Variants in ADK observed in about 807,000 individuals in gnomAD.
ADK encodes N6,N6-dimethyladenosine kinase.
In ADK, 24 loss-of-function variants were observed where a neutral mutation model predicts 44.7. That is an observed-to-expected ratio of 0.54 (90% CI 0.39 to 0.76). The LOEUF (loss-of-function observed/expected upper bound fraction) is 0.76, where lower values mean the gene tolerates loss of function less well. Among genes scored for constraint, ADK ranks in the 30% least tolerant of loss-of-function variants. ADK has a pLI of 0.00. For missense variants in ADK, 321 were observed against 425.1 expected, an observed-to-expected ratio of 0.76 and a Z score of 2.15; for synonymous variants, 128 against 142.6, an observed-to-expected ratio of 0.90 and a Z score of 0.73.
chr10:74,380,011 T>G (rs1842929976), intron 4 of ADK, among the ~76,000 whole-genome samples: 1 of 152,172 alleles, frequency 6.6e-6, no homozygotes, highest in African/African-American at 2.4e-5. Context: ...AGTGACAGAG[T>G]GAGACTCCAT....
chr10:74,173,297 G>A (rs1842222131), intron 1 of ADK, among the ~76,000 whole-genome samples: 1 of 151,340 alleles, frequency 6.6e-6, no homozygotes, highest in African/African-American at 2.4e-5. Flanking sequence ...GTTTCACTGT[G>A]TTAGCCAGGA....
chr10:74,196,894 T>G (rs1434050051), intron 1 of ADK, among the ~76,000 whole-genome samples: 2 of 152,172 alleles, frequency 1.3e-5, no homozygotes, highest in African/African-American at 4.8e-5. Flanking sequence ...TATTAGGTGG[T>G]CCAACAACTT....
chr10:74,180,189 C>T (rs546880328), intron 1 of ADK, among the ~76,000 whole-genome samples: 2 of 146,520 alleles, frequency 1.4e-5, no homozygotes, highest in Non-Finnish European at 3.0e-5. Flanking sequence ...AGTTACTGAG[C>T]TTCCATTTCT....
intron 6 of ADK, among the ~76,000 whole-genome samples, chr10:74,452,484 A>G (rs952757030): frequency 6.6e-6 from 1 of 152,098 alleles, no homozygotes; most frequent in African/African-American, 2.4e-5. Flanking sequence ...TTGTAAATTG[A>G]TATAAAAACA....
At chr10:74,300,897 G>A (rs1203803019) in intron 3 of ADK, among the ~76,000 whole-genome samples, 1 of 152,148 alleles carries the variant, frequency 6.6e-6, no homozygotes, top group Non-Finnish European at 1.5e-5. Flanking sequence ...TATAGTTTTA[G>A]CAATATTGAT....
intron 6 of ADK, among the ~76,000 whole-genome samples, chr10:74,456,151 A>G (rs1439322355): frequency 1.3e-5 from 2 of 152,180 alleles, no homozygotes; most frequent in East Asian, 1.9e-4. Context: ...ATTAACAAGG[A>G]TATTCAGGAC....
At chr10:74,505,240 C>CAAA (rs1248926822) in intron 6 of ADK, among the ~76,000 whole-genome samples, 1 of 152,126 alleles carries the variant, frequency 6.6e-6, no homozygotes, top group Middle Eastern at 3.2e-3. Flanking sequence ...ATCCTTCCAC[C>CAAA]TTTTGCTTTT....
At chr10:74,698,425 G>C (rs530778595) in intron 10 of ADK, among the ~76,000 whole-genome samples, 5 of 152,288 alleles carry the variant, frequency 3.3e-5, no homozygotes, top group Admixed American at 6.5e-5. Context: ...CAAGCCAGTG[G>C]CACTGGGAAA....
intron 5 of ADK, among the ~76,000 whole-genome samples, chr10:74,396,946 G>A (rs1294246143): frequency 7.4e-5 from 11 of 148,652 alleles, no homozygotes; most frequent in East Asian, 5.9e-4. Context: ...CAACAAGAAC[G>A]AAACTTCATC....
chr10:74,478,335 T>A (rs1034424426), intron 6 of ADK, among the ~76,000 whole-genome samples: 35 of 152,192 alleles, frequency 2.3e-4, no homozygotes, highest in Non-Finnish European at 2.9e-5. Context: ...TCCTCCTGCC[T>A]CAGCCTCCTG....
intron 6 of ADK, among the ~76,000 whole-genome samples, chr10:74,409,242 G>T (rs535178929): frequency 2.8e-4 from 43 of 152,022 alleles, no homozygotes; most frequent in Non-Finnish European, 4.4e-4. Flanking sequence ...TAGGAAAAAA[G>T]GTTCCAAGTT....
chr10:74,403,708 T>A (rs939135384), intron 6 of ADK, among the ~76,000 whole-genome samples: 27 of 152,186 alleles, frequency 1.8e-4, no homozygotes, highest in African/African-American at 6.3e-4. Context: ...GGTGAAGCGA[T>A]GCCCCGCCCT....
intron 2 of ADK, among the ~76,000 whole-genome samples, 182 bp downstream of exon 2, chr10:74,201,020 G>T (rs1267023404): frequency 6.6e-6 from 1 of 152,088 alleles, no homozygotes; most frequent in Non-Finnish European, 1.5e-5. Flanking sequence ...AGTTTTCCTT[G>T]GGAAAACTTA....
intron 2 of ADK, among the ~76,000 whole-genome samples, chr10:74,216,466 T>C (rs993733748): frequency 2.0e-5 from 3 of 152,106 alleles, no homozygotes; most frequent in African/African-American, 7.3e-5. Flanking sequence ...GGCTCGCACC[T>C]GTAATCCTAG....
intron 9 of ADK, among the ~76,000 whole-genome samples, chr10:74,649,800 G>A (rs1854196205): frequency 6.6e-6 from 1 of 152,114 alleles, no homozygotes. Context: ...GTTGGGAAAT[G>A]CTAGATAAGA....
At chr10:74,680,629 T>C (rs1407445908) in intron 10 of ADK, among the ~76,000 whole-genome samples, 1 of 152,158 alleles carries the variant, frequency 6.6e-6, no homozygotes, top group Non-Finnish European at 1.5e-5. Context: ...CTAGCCAACC[T>C]TAGTACCTAG....
In ADK at chr10:74,440,129, T is replaced by G. The variant is rs533728977; in HGVS notation, c.555+41550T>G. ...GCTAAGGCATTTAGACTAATCCTAG[T>G]GGCTTAGTATTGTTTAAATAATTTT... On this transcript the variant is annotated intron_variant, in intron 6 of 10. Coordinates refer to ENST00000539909, the MANE Select transcript of ADK (RefSeq NM_006721.4). Among the ~76,000 whole-genome samples the G allele has an allele frequency of 3.3e-5, 5 of 152,262 alleles. No individual in the cohort carries two copies. The South Asian group carries it at 6.2e-4, about 19-fold the overall frequency.
intron 3 of ADK, among the ~76,000 whole-genome samples, chr10:74,308,187 C>G (rs1840319099): frequency 6.6e-6 from 1 of 152,046 alleles, no homozygotes; most frequent in Non-Finnish European, 1.5e-5. Context: ...TCTTCATGTT[C>G]AGAGTTATAA....
intron 6 of ADK, among the ~76,000 whole-genome samples, chr10:74,493,192 T>G (rs1023997336): frequency 1.3e-5 from 2 of 152,040 alleles, no homozygotes; most frequent in Non-Finnish European, 2.9e-5. Flanking sequence ...TATTTTACTT[T>G]ACTGAGACAG....
Sources: allele counts gnomAD v4.1 joint callset (sites outside exome capture counted in the v4.1 genomes callset), GRCh38; gene constraint gnomAD v4.1.1; transcripts MANE v1.5; gene names NCBI Gene and HGNC (gene_info 2026-07-23, HGNC 2026-07-21).